The following ZNF420 variants were observed in gnomAD, a reference collection of about 807,000 sequenced individuals.
ZNF420 encodes ATM and p53-associated KZNF protein.
In ZNF420, 31 loss-of-function variants were observed where a neutral mutation model predicts 44.7. The observed-to-expected ratio is 0.69, with a 90% confidence interval of 0.52 to 0.94. ZNF420 has a LOEUF of 0.94. Among genes scored for constraint, ZNF420 ranks in the 40% least tolerant of loss-of-function variants. The pLI, the probability that ZNF420 is intolerant of heterozygous loss-of-function variation, is 0.00. For synonymous variants in ZNF420, 245 were observed against 267.4 expected (o/e 0.92, Z 0.82); for missense variants, 681 against 827.9 (o/e 0.82, Z 2.18).
At chr19:37,079,043 CTGAT>C (rs1362528278) in intron 1 of ZNF420, among the ~76,000 whole-genome samples, 1 of 151,694 alleles carries the variant, frequency 6.6e-6, no homozygotes, top group Non-Finnish European at 1.5e-5. Flanking sequence ...GGGTGACTGT[CTGAT>C]TGTGTGTGAC....
intron 1 of ZNF420, among the ~76,000 whole-genome samples, chr19:37,043,392 C>T (rs552878634): frequency 6.6e-6 from 1 of 152,328 alleles, no homozygotes; most frequent in South Asian, 2.1e-4. Flanking sequence ...TGGAGTCCTT[C>T]AACAACAAAG....
intron 4 of ZNF420, among the ~76,000 whole-genome samples, chr19:37,119,636 G>A (rs1879437235): frequency 1.3e-5 from 2 of 151,824 alleles, no homozygotes; most frequent in African/African-American, 4.9e-5. Flanking sequence ...CAGAACTGAA[G>A]GAAATAGAGA....
chr19:37,046,972 T>G (rs1967552941), intron 1 of ZNF420, among the ~76,000 whole-genome samples: 1 of 151,562 alleles, frequency 6.6e-6, no homozygotes, highest in Non-Finnish European at 1.5e-5. Flanking sequence ...TTTGTGCACT[T>G]TAGGCCATTT....
At chr19:37,016,058 C>T (rs556511845) in intron 1 of ZNF420, among the ~76,000 whole-genome samples, 5 of 152,188 alleles carry the variant, frequency 3.3e-5, no homozygotes, top group African/African-American at 1.2e-4. Context: ...TTCCTAATGA[C>T]TGGGTAGCTG....
chr19:37,122,411 A>T (rs776033173), intron 4 of ZNF420, among the ~76,000 whole-genome samples: 2 of 142,650 alleles, frequency 1.4e-5, no homozygotes, highest in Non-Finnish European at 3.0e-5. Flanking sequence ...GGAATTGAAC[A>T]GTGAGAACAC....
intron 1 of ZNF420, chr19:37,008,221 G>C (rs542414072): frequency 4.2e-5 from 13 of 307,278 alleles, no homozygotes; most frequent in Non-Finnish European, 6.8e-5. Context: ...GGGCGGGCGG[G>C]GGGGGATGTT....
At chr19:37,054,484 T>C (rs8112903) in intron 1 of ZNF420, among the ~76,000 whole-genome samples, 3,348 of 152,350 alleles carry the variant, frequency 0.022, 40 homozygotes, top group African/African-American at 0.03. Context: ...CTGTTCCTAT[T>C]CAGCCATCTT....
chr19:37,130,003 T>C lies in ZNF420; in HGVS notation c.*945T>C. 1 of 1,513,518 alleles carries C rather than the reference T, an allele frequency of 6.6e-7. No individual in the cohort carries two copies. Among genetic ancestry groups the C allele is most frequent in the Non-Finnish European group, 8.9e-7 (1 of 1,129,486 alleles). 93.8% of individuals were successfully genotyped at this position (1,513,518 alleles called of 1,614,324 possible). On this transcript the variant is annotated 3_prime_UTR_variant, in exon 5 of 5. Coordinates refer to ENST00000337995, the MANE Select transcript of ZNF420 (RefSeq NM_144689.5). Reference sequence around the variant, plus strand: ...TCCTACCCTATATCTATTTTCTCTTTTTTAGTAACAAATTTCTGGGCTGAA... The same window carrying C: ...TCCTACCCTATATCTATTTTCTCTTCTTTAGTAACAAATTTCTGGGCTGAA...
intron 4 of ZNF420, among the ~76,000 whole-genome samples, chr19:37,118,287 C>T (rs1416732488): frequency 6.6e-6 from 1 of 152,170 alleles, no homozygotes; most frequent in Non-Finnish European, 1.5e-5. Context: ...AGCAGAAACT[C>T]TACAAGCCAG....
intron 1 of ZNF420, among the ~76,000 whole-genome samples, chr19:37,042,380 C>T (rs190614801): frequency 5.9e-5 from 9 of 152,312 alleles, no homozygotes; most frequent in African/African-American, 2.2e-4. Flanking sequence ...TTCATATAGT[C>T]TTTAATGTGT....
chr19:37,103,170 C>T (rs559285953), intron 4 of ZNF420, among the ~76,000 whole-genome samples: 10 of 152,082 alleles, frequency 6.6e-5, no homozygotes, highest in African/African-American at 1.9e-4. Context: ...CACAAAGTTT[C>T]TTTTGCTATT....
chr19:37,022,139 T>C (rs2074654819), intron 1 of ZNF420, among the ~76,000 whole-genome samples: 1 of 151,524 alleles, frequency 6.6e-6, no homozygotes, highest in African/African-American at 2.4e-5. Flanking sequence ...TGTAGAAAAT[T>C]ATATCATCCA....
At chr19:37,014,191 T>C (rs1293393318) in intron 1 of ZNF420, among the ~76,000 whole-genome samples, 6 of 152,086 alleles carry the variant, frequency 3.9e-5, no homozygotes, top group Non-Finnish European at 7.4e-5. Flanking sequence ...GGAAAATCGT[T>C]CCTGCCTTTT....
rs1287966223 is a variant in ZNF420 at position 37,061,075 on chromosome 19, GA to G, written c.-124-19267del. ...TCTATGATTTTCGTTGGCATCGATG[GA>G]AAGGTCACCTGTGCCCCCCTTCCTC... is the stretch of plus-strand genomic sequence containing the variant. On this transcript the variant is annotated intron_variant, in intron 1 of 4. Transcript: ENST00000587029. Among the ~76,000 whole-genome samples the G allele has an allele frequency of 7.9e-5, 12 of 152,246 alleles. No homozygotes were observed. The South Asian group carries it at 2.5e-3, about 32-fold the overall frequency.
chr19:37,126,779 T>C (rs1342235628), intron 4 of ZNF420, among the ~76,000 whole-genome samples: 1 of 152,098 alleles, frequency 6.6e-6, no homozygotes, highest in Non-Finnish European at 1.5e-5. Context: ...CTTTCATATA[T>C]TAATATATGA....
chr19:37,120,586 C>G (rs1970974202), intron 4 of ZNF420, among the ~76,000 whole-genome samples: 1 of 152,174 alleles, frequency 6.6e-6, no homozygotes, highest in Non-Finnish European at 1.5e-5. Flanking sequence ...CCCTCTCTCA[C>G]CACTCCTATT....
At chr19:37,046,355 C>T (rs759647856) in intron 1 of ZNF420, among the ~76,000 whole-genome samples, 4 of 151,870 alleles carry the variant, frequency 2.6e-5, no homozygotes, top group African/African-American at 7.3e-5. Context: ...CATGTGTACC[C>T]GAAGTAGTAA....
At chr19:37,031,829 T>G (rs1967263512) in intron 1 of ZNF420, among the ~76,000 whole-genome samples, 5 of 152,218 alleles carry the variant, frequency 3.3e-5, no homozygotes, top group Admixed American at 1.3e-4. Flanking sequence ...GAGTAATAGT[T>G]TGTATCCTAC....
intron 1 of ZNF420, among the ~76,000 whole-genome samples, chr19:37,015,416 C>T (rs2074602588): frequency 6.6e-6 from 1 of 152,106 alleles, no homozygotes; most frequent in Non-Finnish European, 1.5e-5. Flanking sequence ...CAGACGCCTC[C>T]TAGGGGCCCA....
Sources: gnomAD v4.1 joint callset for allele counts (sites outside exome capture counted in the v4.1 genomes callset) on GRCh38, gnomAD v4.1.1 for gene constraint, MANE v1.5 for transcripts, NCBI Gene and HGNC (gene_info 2026-07-23, HGNC 2026-07-21) for gene names.